MICAL2: variants seen among roughly 807,000 people sequenced by gnomAD.
MICAL2 encodes the protein microtubule associated monooxygenase, calponin and LIM domain containing 2, also known as [F-actin]-monooxygenase MICAL2.
Under a neutral mutation model 127.3 loss-of-function variants are expected in MICAL2, and 77 were observed. The observed-to-expected ratio is 0.60, with a 90% CI of 0.50 to 0.73. The LOEUF (loss-of-function observed/expected upper bound fraction) is 0.73, where lower values mean the gene tolerates loss of function less well. Ranked by LOEUF, MICAL2 falls within the 30% of genes least tolerant of loss-of-function variation. The pLI, the probability that MICAL2 is intolerant of heterozygous loss-of-function variation, is 0.00. For missense variants in MICAL2, 1,351 were observed against 1,434.4 expected, an observed-to-expected ratio of 0.94 and a Z score of 0.94; for synonymous variants, 570 against 551.1, an observed-to-expected ratio of 1.03 and a Z score of -0.48.
chr11:12,162,134 T>G lies in MICAL2; in HGVS notation c.-22T>G. 2.5e-6 allele frequency: 4 copies of G among 1,613,772 alleles called. No homozygotes were observed. Among genetic ancestry groups the G allele is most frequent in the Non-Finnish European group, 2.5e-6 (3 of 1,179,906 alleles). The stretch of plus-strand genomic sequence containing the variant: ...TTCACCTGTGTCCTCGCCGCACCAC[T>G]GCCGCACACGACTCCTGAACCATGG... On this transcript the variant is annotated 5_prime_UTR_variant, in exon 3 of 28. Coordinates refer to ENST00000683283, the MANE Select transcript of MICAL2 (RefSeq NM_001282663.2).
intron 29 of MICAL2, among the ~76,000 whole-genome samples, chr11:12,300,573 G>A (rs1287005579): frequency 1.3e-5 from 2 of 152,174 alleles, no homozygotes; most frequent in Non-Finnish European, 1.5e-5. Flanking sequence ...GTGTGGGAGG[G>A]CCCATGAACA....
chr11:12,256,498 C>T, intron 23 of MICAL2: 3 of 329,178 alleles, frequency 9.1e-6, no homozygotes, highest in Non-Finnish European at 1.7e-5. Context: ...ACCAGGATCA[C>T]TCCCACCCCA....
intron 29 of MICAL2, among the ~76,000 whole-genome samples, chr11:12,311,871 C>A (rs1037985478): frequency 6.6e-6 from 1 of 152,094 alleles, no homozygotes; most frequent in Admixed American, 6.5e-5. Flanking sequence ...TAACCTAGAA[C>A]TGTTTTTGTG....
chr11:12,261,537 C>T (rs373359032), intron 26 of MICAL2: 49 of 985,382 alleles, frequency 5.0e-5, no homozygotes, highest in East Asian at 1.1e-4. Flanking sequence ...AGGCCATCTA[C>T]GGTGCGCAGT....
intron 29 of MICAL2, among the ~76,000 whole-genome samples, chr11:12,319,120 C>A (rs960001519): frequency 1.3e-5 from 2 of 152,016 alleles, no homozygotes; most frequent in African/African-American, 4.8e-5. Context: ...GCTTAGAGTC[C>A]TTTTGCTTCT....
chr11:12,242,157 G>C, intron 18 of MICAL2, 57 bp from the exon 19 acceptor site: 1 of 1,413,142 alleles, frequency 7.1e-7, no homozygotes, highest in Non-Finnish European at 9.6e-7. Context: ...CCCTCATGGT[G>C]AGGGTGTATG....
chr11:12,164,393 C>T (rs1340708819), intron 3 of MICAL2, among the ~76,000 whole-genome samples: 2 of 152,176 alleles, frequency 1.3e-5, no homozygotes, highest in African/African-American at 4.8e-5. Flanking sequence ...TTTGAGAATG[C>T]ATTGTAAGTA....
At chr11:12,305,859 G>A (rs1320091077) in intron 29 of MICAL2, among the ~76,000 whole-genome samples, 1 of 152,178 alleles carries the variant, frequency 6.6e-6, no homozygotes, top group Non-Finnish European at 1.5e-5. Context: ...TCCCAGGCAT[G>A]TGGGGTTTTT....
At chr11:12,255,436 G>C (rs990310390) in intron 22 of MICAL2, 2 of 559,560 alleles carry the variant, frequency 3.6e-6, no homozygotes, top group African/African-American at 3.8e-5. Flanking sequence ...GTGTTTTTGC[G>C]GCCACAGGGT....
At chr11:12,209,658 G>C in intron 6 of MICAL2, 60 bp downstream of exon 6, 3 of 1,455,224 alleles carry the variant, frequency 2.1e-6, no homozygotes, top group Non-Finnish European at 2.9e-6. Context: ...GGGTACATTG[G>C]GGAAGAGTTG....
downstream of MICAL2, chr11:12,294,141 G>A (rs867391859): frequency 6.2e-7 from 1 of 1,614,008 alleles, no homozygotes; most frequent in Non-Finnish European, 8.5e-7. Context: ...AGGGCAGCAG[G>A]AGAGCCCCTG....
downstream of MICAL2, among the ~76,000 whole-genome samples, chr11:12,292,883 G>A (rs1030023310): frequency 2.0e-5 from 3 of 152,184 alleles, no homozygotes; most frequent in African/African-American, 7.2e-5. Context: ...AGGCACCAGA[G>A]GTCTTGGGAG....
intron 3 of MICAL2, among the ~76,000 whole-genome samples, chr11:12,185,343 C>CTGTT (rs1271672772): frequency 6.6e-6 from 1 of 152,062 alleles, no homozygotes; most frequent in Non-Finnish European, 1.5e-5. Context: ...AAAACCATTA[C>CTGTT]TGTTGTTCAG....
chr11:12,330,691 G>T (rs1590740389), intron 32 of MICAL2, among the ~76,000 whole-genome samples: 1 of 151,870 alleles, frequency 6.6e-6, no homozygotes, highest in African/African-American at 2.4e-5. Flanking sequence ...CCCCGGGAAG[G>T]GTTTTTCCCC....
At chr11:12,116,241 G>A (rs1287791594) in intron 1 of MICAL2, among the ~76,000 whole-genome samples, 1 of 151,228 alleles carries the variant, frequency 6.6e-6, no homozygotes, top group African/African-American at 2.4e-5. Context: ...GCCTCCCAAA[G>A]TGCTGGGATT....
intron 17 of MICAL2, among the ~76,000 whole-genome samples, chr11:12,240,228 C>T (rs930411237): frequency 6.6e-6 from 1 of 152,186 alleles, no homozygotes; most frequent in Non-Finnish European, 1.5e-5. Context: ...AGGCAGAATG[C>T]TGCGTCAGGC....
intron 2 of MICAL2, among the ~76,000 whole-genome samples, chr11:12,154,726 T>A (rs1564946): frequency 1.3e-5 from 2 of 152,240 alleles, no homozygotes; most frequent in East Asian, 3.9e-4. Flanking sequence ...GACTGCCTGA[T>A]ACTTGTTTGG....
In MICAL2 at chr11:12,115,060, C is replaced by A. The variant is rs147180296; in HGVS notation, c.-149+4334C>A. On this transcript the variant is annotated intron_variant, in intron 1 of 27. Transcript: ENST00000683283. ...TCTGTCTCTGGACAGTGCTGCTTCT[C>A]CTGTGCCTTCCAGAGCCTTCTCTAA... is the stretch of plus-strand genomic sequence containing the variant. 2.0e-3 allele frequency among the ~76,000 whole-genome samples: 299 copies of A among 152,338 alleles called. 1 individual carries two copies. Among genetic ancestry groups the A allele is most frequent in the African/African-American group, 6.2e-3 (257 of 41,576 alleles).
chr11:12,335,488 T>C (rs1379994295), intron 32 of MICAL2, among the ~76,000 whole-genome samples: 1 of 152,110 alleles, frequency 6.6e-6, no homozygotes, highest in Non-Finnish European at 1.5e-5. Flanking sequence ...TTGGCTTTTG[T>C]TGCCATTGCT....
Sources: gnomAD v4.1 joint callset for allele counts (sites outside exome capture counted in the v4.1 genomes callset) on GRCh38, gnomAD v4.1.1 for gene constraint, MANE v1.5 for transcripts, NCBI Gene and HGNC (gene_info 2026-07-23, HGNC 2026-07-21) for gene names.